The following ABCG2 variants were observed in gnomAD, a reference collection of about 807,000 sequenced individuals.
The protein encoded by ABCG2 is broad substrate specificity ATP-binding cassette transporter ABCG2.
Under a neutral mutation model 73.5 loss-of-function variants are expected in ABCG2, and 80 were observed. The ratio of observed to expected loss-of-function variants is 1.09; its 90% CI spans 0.91 to 1.31. ABCG2 has a LOEUF of 1.31. ABCG2 is among the 50% of genes most tolerant of loss of function. ABCG2 has a pLI of 0.00. For synonymous variants in ABCG2, 269 were observed against 282.4 expected, an observed-to-expected ratio of 0.95 and a Z score of 0.48; for missense variants, 796 against 786.2, an observed-to-expected ratio of 1.01 and a Z score of -0.15.
intron 1 of ABCG2, among the ~76,000 whole-genome samples, chr4:88,151,378 A>G (rs186183852): frequency 1.3e-5 from 2 of 152,310 alleles, no homozygotes; most frequent in East Asian, 1.9e-4. Flanking sequence ...GTACATGTCA[A>G]CTACATGAAG....
intron 1 of ABCG2, among the ~76,000 whole-genome samples, chr4:88,141,273 C>T (rs529756468): frequency 6.6e-6 from 1 of 152,224 alleles, no homozygotes; most frequent in Non-Finnish European, 1.5e-5. Context: ...CACGGAATGG[C>T]GGGACTGAAG....
At chr4:88,172,087 G>C (rs1307289749) in intron 1 of ABCG2, among the ~76,000 whole-genome samples, 2 of 151,934 alleles carry the variant, frequency 1.3e-5, no homozygotes, top group African/African-American at 2.4e-5. Context: ...CTGAGGTCAG[G>C]AGTTCGAGAC....
chr4:88,111,534 A>G (rs1474986694), intron 9 of ABCG2, among the ~76,000 whole-genome samples: 1 of 152,076 alleles, frequency 6.6e-6, no homozygotes, highest in Admixed American at 6.5e-5. Flanking sequence ...ACATATATAT[A>G]CATAATTAGC....
chr4:88,202,694 CG>C (rs2110116080), intron 1 of ABCG2, among the ~76,000 whole-genome samples: 1 of 151,676 alleles, frequency 6.6e-6, no homozygotes, highest in East Asian at 2.0e-4. Context: ...AGAGGTTCTC[CG>C]GGGACCCCTT....
intron 9 of ABCG2, among the ~76,000 whole-genome samples, chr4:88,111,712 C>T (rs930959971): frequency 6.6e-6 from 1 of 151,984 alleles, no homozygotes; most frequent in Non-Finnish European, 1.5e-5. Flanking sequence ...AATAACAGCC[C>T]CAAAATAACC....
intron 1 of ABCG2, among the ~76,000 whole-genome samples, chr4:88,170,231 C>T (rs183517110): frequency 6.6e-6 from 1 of 152,136 alleles, no homozygotes; most frequent in African/African-American, 2.4e-5. Context: ...TTGAAATATG[C>T]CTTTGAATGT....
At chr4:88,117,737 A>G (rs564466466) in intron 7 of ABCG2, among the ~76,000 whole-genome samples, 1 of 152,360 alleles carries the variant, frequency 6.6e-6, no homozygotes, top group South Asian at 2.1e-4. Context: ...CATCTGTTAT[A>G]TGGTCAAGAA....
chr4:88,119,371 C>A (rs533520448), intron 6 of ABCG2, among the ~76,000 whole-genome samples: 1 of 152,216 alleles, frequency 6.6e-6, no homozygotes, highest in African/African-American at 2.4e-5. Flanking sequence ...GAGCAGGATG[C>A]TGCTGTAAGA....
intron 1 of ABCG2, among the ~76,000 whole-genome samples, chr4:88,215,418 C>T (rs529820330): frequency 1.9e-4 from 29 of 152,240 alleles, no homozygotes; most frequent in South Asian, 1.0e-3. Context: ...AAATAGGACT[C>T]GGTCCATTAT....
Position 88,211,098 on chromosome 4 carries a change from A to T in ABCG2, c.-20+19896T>A, listed in dbSNP as rs533668229. ...GAGAGGCTTGGTCCCTAAAAAAATT[A>T]AAAAATAAAAAAAATATATATATAT... On this transcript the variant is annotated intron_variant, in intron 1 of 15. Coordinates refer to the ABCG2 transcript ENST00000515655. Among the ~76,000 whole-genome samples, 152 of 151,790 alleles carry T rather than the reference A, an allele frequency of 1.0e-3. No homozygotes were observed. In the South Asian group the frequency reaches 0.012, roughly 12 times the overall value.
intron 10 of ABCG2, among the ~76,000 whole-genome samples, chr4:88,104,005 T>C (rs1177623631): frequency 4.6e-5 from 7 of 152,234 alleles, no homozygotes; most frequent in Admixed American, 3.9e-4. Flanking sequence ...CTGCAATAAA[T>C]ATGAGGGTGC....
intron 1 of ABCG2, among the ~76,000 whole-genome samples, chr4:88,227,456 C>T (rs1194344332): frequency 6.6e-6 from 1 of 152,122 alleles, no homozygotes; most frequent in Non-Finnish European, 1.5e-5. Flanking sequence ...AATACCCCCT[C>T]GCTAAACCAT....
At chr4:88,120,203 C>A (rs1038531200) in intron 6 of ABCG2, among the ~76,000 whole-genome samples, 2 of 152,216 alleles carry the variant, frequency 1.3e-5, no homozygotes, top group African/African-American at 4.8e-5. Context: ...TATGGAAATA[C>A]CTGGATGTCC....
At chr4:88,178,455 C>T (rs1447813866) in intron 1 of ABCG2, among the ~76,000 whole-genome samples, 1 of 152,128 alleles carries the variant, frequency 6.6e-6, no homozygotes, top group Non-Finnish European at 1.5e-5. Context: ...GACTCAGAGA[C>T]TTGCTGGCTT....
chr4:88,122,482 G>A (rs45499402), intron 5 of ABCG2, among the ~76,000 whole-genome samples: 1 of 152,062 alleles, frequency 6.6e-6, no homozygotes, highest in Non-Finnish European at 1.5e-5. Flanking sequence ...GAGCTTGGTG[G>A]GGGGAGGGGC....
At chr4:88,223,359 C>T (rs1305333068) in intron 1 of ABCG2, among the ~76,000 whole-genome samples, 1 of 152,174 alleles carries the variant, frequency 6.6e-6, no homozygotes, top group African/African-American at 2.4e-5. Context: ...ATAATCCCCA[C>T]ATGTCACAGG....
chr4:88,093,853 C>T (rs542332933), intron 15 of ABCG2, among the ~76,000 whole-genome samples: 2 of 152,138 alleles, frequency 1.3e-5, no homozygotes, highest in Non-Finnish European at 2.9e-5. Context: ...AGAAAAGGCA[C>T]GTGTTACTAA....
At chr4:88,195,613 G>C (rs1051676235) in intron 1 of ABCG2, among the ~76,000 whole-genome samples, 1 of 152,192 alleles carries the variant, frequency 6.6e-6, no homozygotes, top group East Asian at 1.9e-4. Flanking sequence ...TTATCAAAAA[G>C]CTTTAGGGCA....
chr4:88,157,146 T>C (rs184518520), intron 1 of ABCG2, among the ~76,000 whole-genome samples: 2 of 152,288 alleles, frequency 1.3e-5, no homozygotes, highest in South Asian at 2.1e-4. Context: ...CATACTGAGA[T>C]GGAAACTTTA....
Sources: allele counts gnomAD v4.1 joint callset (sites outside exome capture counted in the v4.1 genomes callset), GRCh38; gene constraint gnomAD v4.1.1; transcripts MANE v1.5; gene names NCBI Gene and HGNC (gene_info 2026-07-23, HGNC 2026-07-21).